TRPM5: variants seen among roughly 807,000 people sequenced by gnomAD.
TRPM5 encodes transient receptor potential cation channel subfamily M member 5.
In TRPM5, 121 loss-of-function variants were observed where a neutral mutation model predicts 124.9. The ratio of observed to expected loss-of-function variants is 0.97; its 90% CI spans 0.84 to 1.13. The LOEUF (loss-of-function observed/expected upper bound fraction) is 1.13. TRPM5 is among the 50% of genes most tolerant of loss of function. The pLI is 0.00. For synonymous variants in TRPM5, 781 were observed against 700.5 expected, an observed-to-expected ratio of 1.11 and a Z score of -1.81; for missense variants, 1,643 against 1,589.1, an observed-to-expected ratio of 1.03 and a Z score of -0.58.
At position 2,415,417 on chromosome 11, in the gene TRPM5, ACT is replaced by A; in HGVS notation, c.1181_1182del (p.Glu394ValfsTer188). On this transcript the variant is annotated frameshift_variant, in exon 9 of 24. Coordinates refer to ENST00000155858, the Ensembl canonical transcript of TRPM5. LOFTEE classifies it high-confidence loss of function. Reference sequence around the variant, plus strand: ...CCGTTGTCCACAAAGAGGCGCACAAACTCGGGCTTGTTGCTGACCAGGGCGTC... The same window carrying A: ...CCGTTGTCCACAAAGAGGCGCACAAACGGGCTTGTTGCTGACCAGGGCGTC... The A allele has an allele frequency of 6.3e-7, 1 of 1,593,536 alleles. No individual in the cohort carries two copies. Among genetic ancestry groups the A allele is most frequent in the East Asian group, 2.2e-5 (1 of 44,650 alleles).
intron 23 of TRPM5, 64 bp from the exon 29 acceptor site, chr11:2,405,107 G>C: frequency 7.0e-7 from 1 of 1,425,038 alleles, no homozygotes; most frequent in South Asian, 1.2e-5. Flanking sequence ...GAAGGGGAGA[G>C]GTAGCTGGCT....
chr11:2,422,090 T>C (rs1266435331), intron 2 of TRPM5, 51 bp downstream of exon 7: 1 of 1,486,356 alleles, frequency 6.7e-7, no homozygotes, highest in Non-Finnish European at 9.0e-7. Context: ...AGTCAGGGGG[T>C]CGGGCTGCCC....
chr11:2,406,762 C>T (rs1451324763), exon 21 of TRPM5: 4 of 1,613,462 alleles, frequency 2.5e-6, no homozygotes, highest in Non-Finnish European at 2.5e-6. Flanking sequence ...AGGTGACGAC[C>T]TTCTGGTCCA....
intron 6 of TRPM5, 84 bp downstream of exon 11, chr11:2,418,083 G>T: frequency 7.7e-7 from 1 of 1,297,936 alleles, no homozygotes; most frequent in Non-Finnish European, 1.1e-6. Flanking sequence ...GTGGGCTGGA[G>T]GCTGCATTGC....
At chr11:2,405,752 G>C (rs112910292) in intron 22 of TRPM5, among the ~76,000 whole-genome samples, 159 bp from the exon 28 acceptor site, 1 of 152,130 alleles carries the variant, frequency 6.6e-6, no homozygotes, top group Non-Finnish European at 1.5e-5. Context: ...TGAGGCTCCC[G>C]TGAGGCGTGT....
intron 18 of TRPM5, among the ~76,000 whole-genome samples, chr11:2,410,891 G>T (rs550922727): frequency 1.3e-5 from 2 of 152,304 alleles, no homozygotes; most frequent in East Asian, 3.9e-4. Flanking sequence ...GCCAAGCAGG[G>T]CCCTGTGGGA....
chr11:2,408,441 T>A (rs2133501698), intron 18 of TRPM5, among the ~76,000 whole-genome samples: 1 of 152,308 alleles, frequency 6.6e-6, no homozygotes. Context: ...CCGCCACCTT[T>A]CCAAAATGTA....
intron 18 of TRPM5, 80 bp downstream of exon 23, chr11:2,411,272 T>TG: frequency 6.9e-7 from 1 of 1,445,248 alleles, no homozygotes; most frequent in Non-Finnish European, 9.2e-7. Context: ...CAGACCTCTC[T>TG]GGAGAGCCTC....
intron 18 of TRPM5, among the ~76,000 whole-genome samples, 179 bp downstream of exon 23, chr11:2,411,173 C>A (rs1850436914): frequency 6.6e-6 from 1 of 152,124 alleles, no homozygotes; most frequent in Non-Finnish European, 1.5e-5. Context: ...AGGAACCAGG[C>A]CTGGCCCTTT....
chr11:2,407,424 C>T (rs1464312813), intron 19 of TRPM5, 124 bp from the exon 25 acceptor site: 7 of 975,092 alleles, frequency 7.2e-6, no homozygotes, highest in East Asian at 2.7e-5. Context: ...ACTGCTTCTG[C>T]GTTGCCTCTG....
chr11:2,434,708 TCTGTGTGGACA>T, the TRPM5 span, among the ~76,000 whole-genome samples: 1 of 151,402 alleles, frequency 6.6e-6, no homozygotes, highest in African/African-American at 2.4e-5. Flanking sequence ...TGTCTGTGTG[TCTGTGTGGACA>T]CTGTGTGTGT....
chr11:2,429,068 T>C, the TRPM5 span, among the ~76,000 whole-genome samples: 54 of 150,158 alleles, frequency 3.6e-4, no homozygotes, highest in African/African-American at 1.3e-3. This position sits in a 1 kb window ranked among gnomAD's most constrained non-coding sequence, Gnocchi z 8.4. Flanking sequence ...GTGATGATGG[T>C]TGTGGTGGTG....
chr11:2,414,585 A>G (rs989018545), intron 11 of TRPM5, 130 bp downstream of exon 16: 126 of 1,292,844 alleles, frequency 9.7e-5, no homozygotes, highest in Non-Finnish European at 1.3e-4. Flanking sequence ...CCTATGGAGG[A>G]GGCCCCTGAG....
At chr11:2,416,284 C>T (rs972700939) in intron 7 of TRPM5, among the ~76,000 whole-genome samples, 1 of 152,350 alleles carries the variant, frequency 6.6e-6, no homozygotes. Flanking sequence ...TCGGCTGCAA[C>T]GGGGGTACCC....
At chr11:2,414,656 G>T in intron 11 of TRPM5, 59 bp downstream of exon 16, 3 of 1,477,720 alleles carry the variant, frequency 2.0e-6, no homozygotes, top group South Asian at 2.6e-5. Context: ...CCCTTCGTCC[G>T]ACCCCTCCGT....
chr11:2,419,852 C>A (rs932715626), intron 4 of TRPM5, among the ~76,000 whole-genome samples: 1 of 152,218 alleles, frequency 6.6e-6, no homozygotes, highest in African/African-American at 2.4e-5. Flanking sequence ...ATACCTCACG[C>A]CTGGCGGCGG....
At chr11:2,435,376 A>G in the TRPM5 span, among the ~76,000 whole-genome samples, 1 of 151,724 alleles carries the variant, frequency 6.6e-6, no homozygotes, top group South Asian at 2.1e-4. This position sits in a 1 kb window ranked among gnomAD's most constrained non-coding sequence, Gnocchi z 4.1. Context: ...TCACCCACCC[A>G]CTCATGCACA....
At chr11:2,430,114 C>T in the TRPM5 span, among the ~76,000 whole-genome samples, 318 of 152,274 alleles carry the variant, frequency 2.1e-3, 4 homozygotes, top group African/African-American at 7.3e-3. Flanking sequence ...ATGTTCCTCC[C>T]CGCCTACAAC....
At chr11:2,407,939 C>A in intron 18 of TRPM5, 27 bp from the exon 24 acceptor site, 1 of 1,609,206 alleles carries the variant, frequency 6.2e-7, no homozygotes, top group Non-Finnish European at 8.5e-7. Flanking sequence ...CTGTGGGGAC[C>A]AGACCGGGGG....
Sources: gnomAD v4.1 joint callset for allele counts (sites outside exome capture counted in the v4.1 genomes callset) on GRCh38, gnomAD v4.1.1 for gene constraint, Gnocchi (gnomAD v3.1) non-coding constraint, MANE v1.5 for transcripts, NCBI Gene and HGNC (gene_info 2026-07-23, HGNC 2026-07-21) for gene names.